The following ADNP variants were observed in gnomAD, a reference collection of about 807,000 sequenced individuals.
The protein encoded by ADNP is activity dependent neuroprotector homeobox.
Under a neutral mutation model 84.9 loss-of-function variants are expected in ADNP, and 4 were observed. That is an observed-to-expected ratio of 0.05 (90% CI 0.02 to 0.11). ADNP has a LOEUF of 0.11. ADNP is among the 10% of genes least tolerant of loss of function. ADNP has a pLI of 1.00. For synonymous variants in ADNP, 554 were observed against 468.1 expected, an observed-to-expected ratio of 1.18 and a Z score of -2.37; for missense variants, 1,132 against 1,326.0, an observed-to-expected ratio of 0.85 and a Z score of 2.27.
chr20:50,892,112 G>C lies in ADNP; in HGVS notation c.2602C>G (p.Leu868Val). The part of the protein sequence containing the change: ...ASKTADKKLN[L>V]GKEDDSSSDS... Reference sequence around the variant, plus strand: ...GAGGAACTGTCATCTTCCTTCCCAAGGTTGAGCTTTTTGTCAGCAGTCTTA... The same window carrying C: ...GAGGAACTGTCATCTTCCTTCCCAACGTTGAGCTTTTTGTCAGCAGTCTTA... The change falls in exon 6 of 6, where the codon CTT becomes GTT. Residue 868 changes from leucine (L) to valine (V), a missense_variant. Around this residue, in one of 10 missense-constraint regions of ADNP, gnomAD observed 381 missense variants for 319.9 expected, o/e 1.19. Coordinates refer to ENST00000621696, the MANE Select transcript of ADNP (RefSeq NM_001282531.3). 1 of 1,614,092 alleles carries C rather than the reference G, an allele frequency of 6.2e-7. No individual in the cohort carries two copies. The highest frequency in any genetic ancestry group is 8.5e-7 in the Non-Finnish European group (1 of 1,180,018).
chr20:50,896,011 G>C (rs1981350028), intron 5 of ADNP, among the ~76,000 whole-genome samples: 1 of 151,252 alleles, frequency 6.6e-6, no homozygotes, highest in African/African-American at 2.4e-5. Flanking sequence ...GATCACCTGA[G>C]GTCAAGAGCT....
Position 50,892,251 on chromosome 20 carries a change from G to T in ADNP, c.2463C>A (p.Gly821=). 6.2e-7 allele frequency: 1 copy of T among 1,614,058 alleles called. No homozygotes were observed. Among genetic ancestry groups the T allele is most frequent in the Non-Finnish European group, 8.5e-7 (1 of 1,180,026 alleles). The change falls in exon 6 of 6, where the codon GGC becomes GGA. Residue 821 remains glycine, a synonymous_variant. Transcript: ENST00000621696. ...CTTTCATGTTAAACCCCAGCAACAC[G>T]CCAGGCTTGTACTTTTCACAATCAC... The part of the protein sequence containing the change: ...CVRDCEKYKP[G]VLLGFNMKEL...
intron 3 of ADNP, chr20:50,904,278 C>CATTG (rs1982270247): frequency 1.2e-5 from 4 of 347,302 alleles, no homozygotes; most frequent in Non-Finnish European, 2.1e-5. Context: ...GACTGCAGTG[C>CATTG]ACTCACGATT....
rs1338399784 is a variant in ADNP at position 50,892,039 on chromosome 20, G to A, written c.2675C>T (p.Pro892Leu). The A allele has an allele frequency of 1.9e-6, 3 of 1,614,048 alleles. No homozygotes were observed. Among genetic ancestry groups the A allele is most frequent in the Non-Finnish European group, 2.5e-6 (3 of 1,180,044 alleles). ...TTCAACTTCAAAAACAGGGTCAAAAGGGCTACCACTTTCATTGGATTCTTC... is the reference window on the plus strand; with the variant it reads ...TTCAACTTCAAAAACAGGGTCAAAAAGGCTACCACTTTCATTGGATTCTTC... Reference protein sequence around the residue: ...LEEESNESGSPFDPVFEVEPK... With the variant: ...LEEESNESGSLFDPVFEVEPK... The change falls in exon 6 of 6, where the codon CCT becomes CTT. Residue 892 changes from proline (P) to leucine (L), a missense_variant. Pro to Leu is a moderately conservative substitution (Grantham distance 98). Coordinates refer to ENST00000621696, the MANE Select transcript of ADNP (RefSeq NM_001282531.3).
rs778662527 is a variant in ADNP at position 50,892,263 on chromosome 20, C to T, written c.2451G>A (p.Lys817=). Residue 817 remains lysine (K), a synonymous_variant, in exon 6 of 6, where the codon AAG becomes AAA. Coordinates refer to ENST00000621696, the MANE Select transcript of ADNP (RefSeq NM_001282531.3). ...KRKKCVRDCE[K]YKPGVLLGFN... is the part of the protein sequence containing the mutation. ...ACCCCAGCAACACGCCAGGCTTGTA[C>T]TTTTCACAATCACGGACACACTTCT... 1 of 1,614,176 alleles carries T rather than the reference C, an allele frequency of 6.2e-7. No individual in the cohort carries two copies. The highest frequency in any genetic ancestry group is 8.5e-7 in the Non-Finnish European group (1 of 1,180,036).
chr20:50,923,165 A>G (rs1352486340), intron 2 of ADNP, among the ~76,000 whole-genome samples: 1 of 152,218 alleles, frequency 6.6e-6, no homozygotes, highest in East Asian at 1.9e-4. Flanking sequence ...TCACAACACC[A>G]CAAGAGGACA....
Position 50,919,606 on chromosome 20 carries a change from T to C in ADNP, c.-90+9045A>G, listed in dbSNP as rs138486820. On this transcript the variant is annotated intron_variant, in intron 2 of 5. Coordinates refer to ENST00000621696, the MANE Select transcript of ADNP (RefSeq NM_001282531.3). ...TAAATATTTGCAGTAAAAGAGGCGATGTATCAGATGTGTCACAAACTAAAT... is the reference window on the plus strand; with the variant it reads ...TAAATATTTGCAGTAAAAGAGGCGACGTATCAGATGTGTCACAAACTAAAT... Among the ~76,000 whole-genome samples the C allele has an allele frequency of 3.7e-3, 561 of 152,240 alleles. 2 individuals carry two copies. Among genetic ancestry groups the C allele is most frequent in the African/African-American group, 0.011 (443 of 41,534 alleles).
chr20:50,904,036 C>T (rs1205912300), intron 3 of ADNP, 35 bp from the exon 4 acceptor site: 1 of 1,478,656 alleles, frequency 6.8e-7, no homozygotes, highest in Non-Finnish European at 9.4e-7. Context: ...AAAGTCAAAA[C>T]ACGTACAACT....
At position 50,930,867 on chromosome 20, in the gene ADNP, G is replaced by A. The variant is rs1984689704; in HGVS notation, c.-306C>T. The stretch of plus-strand genomic sequence containing the variant: ...GGCGCGCGCGGGGCCGGCGTGCTCG[G>A]GGGCCGGACAGCGGCGGCGGCGGCG... On this transcript the variant is annotated 5_prime_UTR_variant, in exon 1 of 6. Coordinates refer to ENST00000621696, the MANE Select transcript of ADNP (RefSeq NM_001282531.3). The A allele has an allele frequency of 6.8e-6, 1 of 146,922 alleles. No homozygotes were observed. The highest frequency in any genetic ancestry group is 1.5e-5 in the Non-Finnish European group (1 of 65,812). The allele number at this position is 146,922 out of a possible 1,614,324, so 9.1% of individuals were successfully genotyped here.
chr20:50,902,820 T>TATTTCTATGAAGATGA (rs1471561150), intron 4 of ADNP, among the ~76,000 whole-genome samples: 1 of 152,196 alleles, frequency 6.6e-6, no homozygotes, highest in Non-Finnish European at 1.5e-5. Flanking sequence ...TGGTATTAAT[T>TATTTCTATGAAGATGA]ATTTCTATGA....
At position 50,893,334 on chromosome 20, in the gene ADNP, G is replaced by C. The variant is rs748852399; in HGVS notation, c.1380C>G (p.Val460=). 2 of 1,614,168 alleles carry C rather than the reference G, an allele frequency of 1.2e-6. No individual in the cohort carries two copies. The highest frequency in any genetic ancestry group is 1.7e-6 in the Non-Finnish European group (2 of 1,180,036). The change falls in exon 6 of 6, where the codon GTC becomes GTG. Residue 460 remains valine, a synonymous_variant. Transcript: ENST00000621696. The surrounding 1 kb of genome is among the most constrained non-coding windows in gnomAD (Gnocchi z 4.4). Reference sequence around the variant, plus strand: ...GTTCTTTTTCGAAGTGCACACTATAGACATTTTCAGGAAAAAGCTCATTAC... The same window carrying C: ...GTTCTTTTTCGAAGTGCACACTATACACATTTTCAGGAAAAAGCTCATTAC... ...TICNELFPEN[V]YSVHFEKEHK...
Position 50,931,109 on chromosome 20 carries a change from TC to T in ADNP, c.-549del, listed in dbSNP as rs1984725736. The T allele has an allele frequency of 6.8e-6, 1 of 147,818 alleles. No individual in the cohort carries two copies. The highest frequency in any genetic ancestry group is 6.7e-5 in the Admixed American group (1 of 14,890). The allele number at this position is 147,818 out of a possible 1,614,324, so 9.2% of individuals were successfully genotyped here. A position where few individuals can be genotyped will look rare whatever the true frequency, so the allele number is the denominator to read the frequency against. ...GACGGAGGGTGTGGGAGAGGCGGCT[TC>T]ACCGGCGCGGGCGGCGGCGGCCGCG... On this transcript the variant is annotated 5_prime_UTR_variant, in exon 1 of 6. Transcript: ENST00000621696.
chr20:50,926,947 T>C (rs762441354), intron 2 of ADNP, among the ~76,000 whole-genome samples: 68 of 152,360 alleles, frequency 4.5e-4, no homozygotes, highest in Non-Finnish European at 8.4e-4. Flanking sequence ...TTGAGTATTT[T>C]AGTTTTCAAA....
chr20:50,897,263 C>T (rs143115441), intron 5 of ADNP, among the ~76,000 whole-genome samples: 89 of 152,300 alleles, frequency 5.8e-4, no homozygotes, highest in African/African-American at 2.0e-3. Context: ...ACTTAAGGAG[C>T]TTGCTGAGGT....
chr20:50,897,981 C>A (rs1167705113), intron 5 of ADNP, among the ~76,000 whole-genome samples: 1 of 152,162 alleles, frequency 6.6e-6, no homozygotes, highest in Non-Finnish European at 1.5e-5. Flanking sequence ...GGGTTCTCAA[C>A]ATGCCAAATC....
chr20:50,919,550 C>T (rs983123962), intron 2 of ADNP, among the ~76,000 whole-genome samples: 1 of 151,986 alleles, frequency 6.6e-6, no homozygotes, highest in African/African-American at 2.4e-5. Flanking sequence ...TGAATCTCTG[C>T]CTAGAAAAGG....
chr20:50,893,549 G>A lies in ADNP; in HGVS notation c.1165C>T (p.Pro389Ser), dbSNP rs1981041819. 1 of 1,613,932 alleles carries A rather than the reference G, an allele frequency of 6.2e-7. No homozygotes were observed. Among genetic ancestry groups the A allele is most frequent in the South Asian group, 1.1e-5 (1 of 91,082 alleles). Residue 389 changes from proline (P) to serine (S), a missense_variant, in exon 6 of 6, where the codon CCA (proline) becomes TCA (serine). Physicochemically the swap from Pro to Ser is moderately conservative, Grantham distance 74 (BLOSUM62 -1). Around this residue, in one of 10 missense-constraint regions of ADNP, gnomAD observed 239 missense variants for 213.2 expected, o/e 1.12. Coordinates refer to ENST00000621696, the MANE Select transcript of ADNP (RefSeq NM_001282531.3). This position sits in a 1 kb window ranked among gnomAD's most constrained non-coding sequence, Gnocchi z 4.4. ...GLGSEQRSQA[P>S]ARYSLQSANA... is the part of the protein sequence containing the mutation. ...GCAGACTGCAGGGAGTATCTTGCTG[G>A]TGCCTGGGACCTCTGCTCTGACCCA...
chr20:50,900,021 A>G (rs1352971241), intron 5 of ADNP, among the ~76,000 whole-genome samples: 2 of 152,126 alleles, frequency 1.3e-5, no homozygotes, highest in Non-Finnish European at 2.9e-5. Flanking sequence ...TAAGAATTTT[A>G]AAGTTTTACT....
intron 2 of ADNP, among the ~76,000 whole-genome samples, chr20:50,924,699 T>C (rs1007931720): frequency 6.6e-6 from 1 of 152,218 alleles, no homozygotes; most frequent in African/African-American, 2.4e-5. Context: ...CACATCCTTA[T>C]TAAAGTCATC....
Sources: gnomAD v4.1 joint callset for allele counts (sites outside exome capture counted in the v4.1 genomes callset) on GRCh38, gnomAD v4.1.1 for gene constraint, gnomAD v4.1.1 regional missense constraint, Gnocchi (gnomAD v3.1) non-coding constraint, MANE v1.5 for transcripts, NCBI Gene and HGNC (gene_info 2026-07-23, HGNC 2026-07-21) for gene names.